HDLBP: variants seen among roughly 807,000 people sequenced by gnomAD.
HDLBP encodes the protein vigilin.
In HDLBP, 30 loss-of-function variants were observed where a neutral mutation model predicts 137.3. That is an observed-to-expected ratio of 0.22 (90% confidence interval 0.16 to 0.30). The LOEUF is 0.30. Among genes scored for constraint, HDLBP ranks in the 10% least tolerant of loss-of-function variants. The pLI, the probability that HDLBP is intolerant of heterozygous loss-of-function variation, is 1.00. For missense variants in HDLBP, 1,119 were observed against 1,667.3 expected (o/e 0.67, Z 5.73); for synonymous variants, 606 against 596.0 (o/e 1.02, Z -0.24).
chr2:241,298,349 G>C (rs764789274), intron 1 of HDLBP, among the ~76,000 whole-genome samples: 4 of 151,944 alleles, frequency 2.6e-5, no homozygotes, highest in Non-Finnish European at 5.9e-5. Flanking sequence ...CTGGGCGACA[G>C]AGTGAGACTC....
chr2:241,296,684 G>A (rs770160649), intron 1 of HDLBP, among the ~76,000 whole-genome samples: 24 of 152,154 alleles, frequency 1.6e-4, no homozygotes, highest in Admixed American at 2.6e-4. Flanking sequence ...TATGAGATCC[G>A]CAAAGATGAA....
chr2:241,283,064 T>G (rs935372762), intron 1 of HDLBP, among the ~76,000 whole-genome samples: 1 of 152,204 alleles, frequency 6.6e-6, no homozygotes, highest in Non-Finnish European at 1.5e-5. Context: ...AAAGTGCTAC[T>G]CCAGTGAACA....
At chr2:241,276,812 G>A (rs960373140) in intron 1 of HDLBP, among the ~76,000 whole-genome samples, 10 of 152,112 alleles carry the variant, frequency 6.6e-5, no homozygotes, top group Non-Finnish European at 1.5e-4. Flanking sequence ...AGGTTACTAG[G>A]AGAAATTGAT....
rs1271605311 is a variant in HDLBP at position 241,239,447 on chromosome 2, G to A, written c.2610+155C>T. Among the ~76,000 whole-genome samples, 1 of 152,080 alleles carries A rather than the reference G, an allele frequency of 6.6e-6. No individual in the cohort carries two copies. The highest frequency in any genetic ancestry group is 1.5e-5 in the Non-Finnish European group (1 of 68,014). Reference sequence around the variant, plus strand: ...TCAGGAAGGAGGCCAGACAGGCTGAGGAAAGAAGAGCGAGCACCAGAAAGC... The same window carrying A: ...TCAGGAAGGAGGCCAGACAGGCTGAAGAAAGAAGAGCGAGCACCAGAAAGC... On this transcript the variant is annotated intron_variant, in intron 19 of 27. Transcript: ENST00000310931. This position sits in a 1 kb window ranked among gnomAD's most constrained non-coding sequence, Gnocchi z 4.6.
intron 12 of HDLBP, among the ~76,000 whole-genome samples, chr2:241,249,639 C>T (rs904237881): frequency 3.2e-4 from 49 of 152,250 alleles, no homozygotes; most frequent in African/African-American, 1.1e-3. Flanking sequence ...GCACAGCACA[C>T]AGCCATGGAG....
chr2:241,254,100 C>G (rs1408441407), intron 9 of HDLBP, among the ~76,000 whole-genome samples: 2 of 152,162 alleles, frequency 1.3e-5, no homozygotes, highest in Admixed American at 1.3e-4. Context: ...ACCTGGGCAA[C>G]TAGTAAGACT....
intron 1 of HDLBP, among the ~76,000 whole-genome samples, chr2:241,294,307 G>C (rs1397263948): frequency 6.6e-6 from 1 of 152,112 alleles, no homozygotes; most frequent in African/African-American, 2.4e-5. Flanking sequence ...ATGCAGCTGA[G>C]CCATTCTATC....
At chr2:241,279,057 CTAAT>C (rs1394712653) in intron 1 of HDLBP, among the ~76,000 whole-genome samples, 3 of 96,862 alleles carry the variant, frequency 3.1e-5, no homozygotes, top group Non-Finnish European at 6.4e-5. Flanking sequence ...TTTTTAAAAT[CTAAT>C]TAAGAAAAAA....
chr2:241,306,606 A>G (rs145715917), intron 1 of HDLBP, among the ~76,000 whole-genome samples: 1 of 152,238 alleles, frequency 6.6e-6, no homozygotes, highest in East Asian at 1.9e-4. Flanking sequence ...CTACAGGTCA[A>G]AAAGTACCCC....
chr2:241,305,779 AGATG>A (rs1438618169), intron 1 of HDLBP, among the ~76,000 whole-genome samples: 1 of 135,498 alleles, frequency 7.4e-6, no homozygotes, highest in African/African-American at 2.8e-5. Flanking sequence ...TTTTTTTTTG[AGATG>A]GAGTCTCGCT....
chr2:241,230,123 C>T lies in HDLBP; in HGVS notation c.3591+30G>A. On this transcript the variant is annotated intron_variant, in intron 26 of 27. Coordinates refer to ENST00000310931, the MANE Select transcript of HDLBP (RefSeq NM_005336.6). This position sits in a 1 kb window ranked among gnomAD's most constrained non-coding sequence, Gnocchi z 5.0. ...CAGGCCGGTGGACGTGCCAGGGCGC[C>T]TCAGGGCTCCAAGGCCCACAGAGAC... The T allele has an allele frequency of 1.3e-6, 2 of 1,599,010 alleles. No homozygotes were observed. Among genetic ancestry groups the T allele is most frequent in the South Asian group, 1.1e-5 (1 of 90,744 alleles).
chr2:241,237,820 T>G (rs2070737420), intron 20 of HDLBP, among the ~76,000 whole-genome samples: 1 of 152,234 alleles, frequency 6.6e-6, no homozygotes, highest in Non-Finnish European at 1.5e-5. Flanking sequence ...ATCAAAGTTT[T>G]AAATAACCAC....
chr2:241,257,101 A>G (rs2072685559), intron 5 of HDLBP, among the ~76,000 whole-genome samples: 1 of 152,056 alleles, frequency 6.6e-6, no homozygotes, highest in South Asian at 2.1e-4. Context: ...AAGAAGCATG[A>G]CTGCATATCC....
At chr2:241,232,888 G>C (rs2069942334) in intron 24 of HDLBP, among the ~76,000 whole-genome samples, 1 of 152,116 alleles carries the variant, frequency 6.6e-6, no homozygotes. Flanking sequence ...AAGAGGACGT[G>C]GGAGCTGGAG....
At chr2:241,278,439 C>T (rs565777562) in intron 1 of HDLBP, among the ~76,000 whole-genome samples, 17 of 152,024 alleles carry the variant, frequency 1.1e-4, no homozygotes, top group South Asian at 4.2e-4. Context: ...AAACATTAGC[C>T]GGGCATGGTG....
At chr2:241,264,795 C>A (rs2073523649) in intron 3 of HDLBP, among the ~76,000 whole-genome samples, 190 bp from the exon 4 acceptor site, 1 of 152,118 alleles carries the variant, frequency 6.6e-6, no homozygotes, top group Non-Finnish European at 1.5e-5. Context: ...GGCCCAGCAC[C>A]CTGAGTGTGA....
intron 1 of HDLBP, among the ~76,000 whole-genome samples, chr2:241,280,862 G>A (rs1288501385): frequency 6.6e-6 from 1 of 152,140 alleles, no homozygotes; most frequent in Non-Finnish European, 1.5e-5. Context: ...CTCACTGTTT[G>A]GGAATGCTAA....
intron 1 of HDLBP, among the ~76,000 whole-genome samples, chr2:241,283,473 T>TC (rs1559542630): frequency 6.6e-6 from 1 of 151,504 alleles, no homozygotes; most frequent in African/African-American, 2.4e-5. Context: ...CTAGATGGCT[T>TC]CTTTTTTTTT....
intron 2 of HDLBP, chr2:241,268,065 C>T (rs1278238406): frequency 3.1e-6 from 2 of 643,208 alleles, no homozygotes; most frequent in Non-Finnish European, 3.9e-6. Flanking sequence ...TTTCTTTACA[C>T]AATTACGCAT....
Sources: allele counts gnomAD v4.1 joint callset (sites outside exome capture counted in the v4.1 genomes callset), GRCh38; gene constraint gnomAD v4.1.1; non-coding constraint Gnocchi (gnomAD v3.1); transcripts MANE v1.5; gene names NCBI Gene and HGNC (gene_info 2026-07-23, HGNC 2026-07-21).